LIMCH1: variants seen among roughly 807,000 people sequenced by gnomAD.
LIMCH1 encodes LIM and calponin homology domains-containing protein 1.
LIMCH1 carries 113 observed loss-of-function variants against 176.5 expected under a neutral mutation model. That is an observed-to-expected ratio of 0.64 (90% confidence interval 0.55 to 0.75). LIMCH1 has a LOEUF of 0.75. Ranked by LOEUF, LIMCH1 falls within the 30% of genes least tolerant of loss-of-function variation. LIMCH1 has a pLI of 0.00. For missense variants in LIMCH1, 1,674 were observed against 1,814.9 expected (o/e 0.92, Z 1.41); for synonymous variants, 619 against 645.9 (o/e 0.96, Z 0.63).
intron 22 of LIMCH1, among the ~76,000 whole-genome samples, chr4:41,671,884 C>CAAAAAAAAAAAAAAAAAAA (rs34994833): frequency 1.9e-5 from 1 of 52,378 alleles, no homozygotes; most frequent in African/African-American, 7.8e-5. Context: ...GACTTCGTCT[C>CAAAAAAAAAAAAAAAAAAA]AAAAAAAAAA....
At chr4:41,632,141 G>A (rs1182129056) in intron 10 of LIMCH1, among the ~76,000 whole-genome samples, 1 of 152,150 alleles carries the variant, frequency 6.6e-6, no homozygotes, top group East Asian at 1.9e-4. Context: ...CTCTTTTGGG[G>A]ATTTGGTTCT....
intron 4 of LIMCH1, among the ~76,000 whole-genome samples, chr4:41,608,229 A>C (rs1376059553): frequency 6.6e-6 from 1 of 152,172 alleles, no homozygotes; most frequent in African/African-American, 2.4e-5. Flanking sequence ...TCAGCCAAGA[A>C]AAGGGAGGAA....
chr4:41,381,718 G>GC (rs1193190639), intron 1 of LIMCH1, among the ~76,000 whole-genome samples: 3 of 152,126 alleles, frequency 2.0e-5, no homozygotes, highest in Non-Finnish European at 2.9e-5. Flanking sequence ...GTGACAAGAT[G>GC]CCCCAGATGG....
rs996282277 is a variant in LIMCH1 at position 41,527,216 on chromosome 4, A to T, written c.237+2738A>T. Among the ~76,000 whole-genome samples, 8 of 152,248 alleles carry T rather than the reference A, an allele frequency of 5.3e-5. No homozygotes were observed. In the South Asian group the frequency reaches 8.3e-4, roughly 16 times the overall value. ...ATATCCCCTGGTATAGGAGAAAATG[A>T]GTTAATACTCGAGAGAGATAAAAGT... On this transcript the variant is annotated intron_variant, in intron 3 of 26. Coordinates refer to the LIMCH1 transcript ENST00000313860.
chr4:41,558,407 T>C (rs2081591950), intron 1 of LIMCH1, among the ~76,000 whole-genome samples: 1 of 152,166 alleles, frequency 6.6e-6, no homozygotes, highest in Admixed American at 6.5e-5. Context: ...TAGGCAGTAA[T>C]GTCTGATTAT....
At chr4:41,402,158 TG>T (rs1191176719) in intron 1 of LIMCH1, among the ~76,000 whole-genome samples, 22 of 152,116 alleles carry the variant, frequency 1.4e-4, no homozygotes, top group Non-Finnish European at 2.8e-4. Flanking sequence ...CATCAAAAAG[TG>T]GGCAAAGGAT....
intron 1 of LIMCH1, among the ~76,000 whole-genome samples, chr4:41,407,032 A>C (rs1025959078): frequency 2.6e-5 from 4 of 152,118 alleles, no homozygotes; most frequent in Admixed American, 2.6e-4. Context: ...CCAAGGATCT[A>C]ATATGTCAAT....
At chr4:41,494,360 CAT>C (rs999217050) in intron 1 of LIMCH1, among the ~76,000 whole-genome samples, 1 of 149,936 alleles carries the variant, frequency 6.7e-6, no homozygotes, top group African/African-American at 2.4e-5. Context: ...CATACGTACA[CAT>C]ACACATACAT....
chr4:41,602,124 CAAAAAAAAAA>C (rs540240960), intron 2 of LIMCH1, among the ~76,000 whole-genome samples: 1,649 of 73,274 alleles, frequency 0.023, 42 homozygotes, highest in African/African-American at 0.045. Context: ...TTGAGTAGAC[CAAAAAAAAAA>C]AAAAAAAAAA....
At chr4:41,538,099 G>T, upstream of LIMCH1, 1 of 909,552 alleles carries the variant, frequency 1.1e-6, no homozygotes, top group Non-Finnish European at 1.3e-6. Flanking sequence ...GGGCTTCTCC[G>T]CCTCCCTCTC....
chr4:41,448,232 C>T (rs542644209), intron 1 of LIMCH1, among the ~76,000 whole-genome samples: 7 of 152,274 alleles, frequency 4.6e-5, no homozygotes, highest in African/African-American at 1.7e-4. Flanking sequence ...GGTAACTTTC[C>T]TGTATTTCTC....
chr4:41,613,358 A>T, intron 4 of LIMCH1, 108 bp from the exon 5 acceptor site: 1 of 942,692 alleles, frequency 1.1e-6, no homozygotes. Context: ...CAACCTTTCC[A>T]TTCTGATGTG....
rs1282018772 is a variant in LIMCH1, at chr4:41,682,339, A to T, written c.3724A>T (p.Ile1242Leu). 8 of 1,610,654 alleles carry T rather than the reference A, an allele frequency of 5.0e-6. No individual in the cohort carries two copies. The South Asian group carries it at 7.7e-5, about 16-fold the overall frequency. Reference sequence around the variant, plus strand: ...TCATTGTTTTTCTCCTTAGAATAAGATAGACCTGGGAAACTGTCAAGATGA... The same window carrying T: ...TCATTGTTTTTCTCCTTAGAATAAGTTAGACCTGGGAAACTGTCAAGATGA... ...MTEGSGTMNK[I>L]DLGNCQDEKQ... The change falls in exon 26 of 32, where the codon ATA becomes TTA. Residue 1242 changes from isoleucine (I) to leucine (L), a missense_variant. This residue lies in a region of LIMCH1 where 1,015 missense variants were observed against 1,102.5 expected (regional missense o/e 0.92). Transcript: ENST00000503057.
intron 1 of LIMCH1, among the ~76,000 whole-genome samples, chr4:41,449,277 C>T (rs1318402081): frequency 6.6e-6 from 1 of 152,152 alleles, no homozygotes; most frequent in East Asian, 1.9e-4. Flanking sequence ...GACTTTCCCT[C>T]CACGTGGAAT....
intron 1 of LIMCH1, among the ~76,000 whole-genome samples, chr4:41,453,374 T>A (rs971464914): frequency 3.3e-5 from 5 of 152,268 alleles, no homozygotes; most frequent in Admixed American, 2.0e-4. Flanking sequence ...CCAGAAGCCT[T>A]ACTGATAACA....
chr4:41,612,851 CTT>C (rs61338165), intron 4 of LIMCH1: 69,895 of 1,021,854 alleles, frequency 0.068, no homozygotes, highest in South Asian at 0.082. Context: ...CATTGCCTTT[CTT>C]TTTTTTTTTT....
intron 1 of LIMCH1, among the ~76,000 whole-genome samples, chr4:41,460,458 C>CTTTATATTTATATATATATATATATATA (rs372751468): frequency 9.0e-6 from 1 of 110,546 alleles, no homozygotes; most frequent in African/African-American, 4.0e-5. Flanking sequence ...TAGTAATCAT[C>CTTTATATTTATATATATATATATATATA]TATATATATA....
chr4:41,638,973 T>C lies in LIMCH1; in HGVS notation c.2126+6T>C. ...CCTGTGTCTGATGACGCAGAGTAAG[T>C]TGCCTTGTATTTGTAGGATTACATT... On this transcript the variant is annotated splice_donor_region_variant and intron_variant, in intron 14 of 31. Transcript: ENST00000503057. The C allele has an allele frequency of 6.3e-7, 1 of 1,577,288 alleles. No individual in the cohort carries two copies. Among genetic ancestry groups the C allele is most frequent in the Non-Finnish European group, 8.6e-7 (1 of 1,167,128 alleles).
intron 1 of LIMCH1, among the ~76,000 whole-genome samples, chr4:41,436,765 G>A (rs1052966076): frequency 6.6e-6 from 1 of 151,910 alleles, no homozygotes; most frequent in Non-Finnish European, 1.5e-5. Context: ...GATTTTGTCA[G>A]CGTCTGGGTA....
Sources: allele counts gnomAD v4.1 joint callset (sites outside exome capture counted in the v4.1 genomes callset), GRCh38; gene constraint gnomAD v4.1.1; regional missense constraint gnomAD v4.1.1; transcripts MANE v1.5; gene names NCBI Gene and HGNC (gene_info 2026-07-23, HGNC 2026-07-21).